The following MUC4 variants were observed in gnomAD, a reference collection of about 807,000 sequenced individuals.
The protein encoded by MUC4 is mucin 4, cell surface associated.
In MUC4, 202 loss-of-function variants were observed where a neutral mutation model predicts 257.9. The observed-to-expected ratio is 0.78, with a 90% CI of 0.70 to 0.88. MUC4 has a LOEUF of 0.88. Among genes scored for constraint, MUC4 ranks in the 40% least tolerant of loss-of-function variants. The probability of loss-of-function intolerance (pLI) is 0.00; values close to 1 mark genes in which losing one functional copy is unlikely to be tolerated. For synonymous variants in MUC4, 2,351 were observed against 2,757.1 expected, an observed-to-expected ratio of 0.85 and a Z score of 4.62; for missense variants, 5,976 against 6,513.7, an observed-to-expected ratio of 0.92 and a Z score of 2.84.
intron 1 of MUC4, among the ~76,000 whole-genome samples, chr3:195,798,557 A>T (rs1398845049): frequency 1.3e-5 from 2 of 151,938 alleles, no homozygotes; most frequent in Non-Finnish European, 2.9e-5. Context: ...CAAAAAAATT[A>T]GCCGGGCGTG....
rs1717230480 is a variant in MUC4 at position 195,754,818 on chromosome 3, GTGTGTAT to G, written c.15169-453_15169-447del. Among the ~76,000 whole-genome samples, 5 of 18,094 alleles carry G rather than the reference GTGTGTAT, an allele frequency of 2.8e-4. No homozygotes were observed. In the South Asian group the frequency reaches 7.9e-3, roughly 28 times the overall value. 11.9% of individuals were successfully genotyped at this position (18,094 alleles called of 152,430 possible). A position where few individuals can be genotyped will look rare whatever the true frequency, so the allele number is the denominator to read the frequency against. On this transcript the variant is annotated intron_variant, in intron 18 of 24. Coordinates refer to ENST00000463781, the MANE Select transcript of MUC4 (RefSeq NM_018406.7). Reference sequence around the variant, plus strand: ...TGCATGTATGCATGTATGTATCCATGTGTGTATCCATGTGTGTATGTATCATGTATGT... The same window carrying G: ...TGCATGTATGCATGTATGTATCCATGCCATGTGTGTATGTATCATGTATGT...
At position 195,770,229 on chromosome 3, in the gene MUC4, T is replaced by G; in HGVS notation, c.13385A>C (p.Gln4462Pro). ...GGGTCTACTCACCCCGAGGGTCCAC[T>G]GGGCAGGATAGGCGTGGGCATTGAC... ...TWVNAHAYPA[Q>P]WTLGSNTYQA... The change falls in exon 6 of 25, where the codon CAG (glutamine) becomes CCG (proline). Residue 4462 changes from glutamine (Q) to proline (P), a missense_variant. By Grantham distance (76) the Gln-to-Pro change is moderately conservative. Around this residue, in one of 44 missense-constraint regions of MUC4, gnomAD observed 996 missense variants for 1,137.3 expected, o/e 0.88. Coordinates refer to ENST00000463781, the MANE Select transcript of MUC4 (RefSeq NM_018406.7). The G allele has an allele frequency of 6.2e-7, 1 of 1,609,220 alleles. No homozygotes were observed. Among genetic ancestry groups the G allele is most frequent in the East Asian group, 2.2e-5 (1 of 44,758 alleles).
chr3:195,790,965 G>T lies in MUC4; in HGVS notation c.615C>A (p.Thr205=), dbSNP rs1733784104. 1.2e-6 allele frequency: 2 copies of T among 1,613,976 alleles called. No homozygotes were observed. Among genetic ancestry groups the T allele is most frequent in the African/African-American group, 2.7e-5 (2 of 75,038 alleles). Residue 205 remains threonine (T), a synonymous_variant, in exon 2 of 25, where the codon ACC becomes ACA. Transcript: ENST00000463781. ...SQNHWTRSTQ[T]TRESQTSTLT... The stretch of plus-strand genomic sequence containing the variant: ...GGGTGCTGGTTTGAGATTCCCTGGT[G>T]GTCTGCGTGCTCCGAGTCCAGTGGT...
chr3:195,778,399 G>A lies in MUC4; in HGVS notation c.12847C>T (p.Pro4283Ser). 2 of 1,613,252 alleles carry A rather than the reference G, an allele frequency of 1.2e-6. No homozygotes were observed. The highest frequency in any genetic ancestry group is 2.2e-5 in the East Asian group (1 of 44,884). The part of the protein sequence containing the change: ...DGGRRTATSP[P>S]PTTSQTIIST... ...ATGATGGTCTGGGAGGTTGTGGGGG[G>A]TGGTGATGTGGCTGTGCGTCTCCCA... Residue 4283 changes from proline to serine, a missense_variant, in exon 3 of 25, where the codon CCC becomes TCC. Coordinates refer to ENST00000463781, the MANE Select transcript of MUC4 (RefSeq NM_018406.7).
At chr3:195,752,128 T>C in intron 21 of MUC4, 1 of 517,886 alleles carries the variant, frequency 1.9e-6, no homozygotes, top group South Asian at 3.4e-5. Context: ...ATAACCAAGA[T>C]GCTTAGAGGT....
At chr3:195,796,703 G>C (rs569374734) in intron 1 of MUC4, among the ~76,000 whole-genome samples, 1 of 151,980 alleles carries the variant, frequency 6.6e-6, no homozygotes, top group South Asian at 2.1e-4. Flanking sequence ...AAAAAAATAT[G>C]TATATATAAT....
intron 19 of MUC4, chr3:195,753,542 A>T (rs926876979): frequency 2.1e-6 from 1 of 466,548 alleles, no homozygotes; most frequent in African/African-American, 2.1e-5. Context: ...CTCCCCTCTC[A>T]CGTCCATCTC....
intron 6 of MUC4, 152 bp from the exon 7 acceptor site, chr3:195,769,304 G>T: frequency 8.2e-7 from 1 of 1,213,322 alleles, no homozygotes; most frequent in Non-Finnish European, 1.1e-6. Context: ...CAAAATGCTG[G>T]CAAGTTTTGG....
rs757156550 is a variant in MUC4 at position 195,779,440 on chromosome 3, G to A, written c.12140C>T (p.Thr4047Ile). The A allele has an allele frequency of 1.7e-5, 15 of 886,510 alleles. 2 individuals carry two copies. Among genetic ancestry groups the A allele is most frequent in the African/African-American group, 2.2e-5 (1 of 46,294 alleles). The allele number at this position is 886,510 out of a possible 1,614,324, so 54.9% of individuals were successfully genotyped here. ...STSSASTGDTTPLPVTNASSL... is the reference protein window; with the variant it reads ...STSSASTGDTIPLPVTNASSL... ...GGAAGCATTGGTGACAGGAAGAGGG[G>A]TGGTGTCACCTGTGGATGCTGAGGA... The change falls in exon 2 of 25, where the codon ACC becomes ATC. Residue 4047 changes from threonine (T) to isoleucine (I), a missense_variant. Physicochemically the swap from Thr to Ile is moderately conservative, Grantham distance 89. Coordinates refer to ENST00000463781, the MANE Select transcript of MUC4 (RefSeq NM_018406.7).
intron 23 of MUC4, chr3:195,750,581 G>A: frequency 2.1e-6 from 1 of 485,068 alleles, no homozygotes; most frequent in South Asian, 2.3e-5. Flanking sequence ...ATGCTTAAGT[G>A]CAATGGCATT....
Position 195,811,801 on chromosome 3 carries a change from C to A in MUC4, c.17G>T (p.Trp6Leu), listed in dbSNP as rs758750222. MKGAR[W>L]RRVPWVSLSC... The stretch of plus-strand genomic sequence containing the variant: ...CAGGGACACCCAGGGGACCCTCCTC[C>A]AGCGTGCCCCCTTCATGGCTGCGGC... Residue 6 changes from tryptophan to leucine, a missense_variant, in exon 1 of 25, where the codon TGG becomes TTG. Physicochemically the swap from Trp to Leu is moderately conservative, Grantham distance 61. Transcript: ENST00000463781. 3 of 1,613,804 alleles carry A rather than the reference C, an allele frequency of 1.9e-6. No individual in the cohort carries two copies. The highest frequency in any genetic ancestry group is 2.5e-6 in the Non-Finnish European group (3 of 1,179,966).
At position 195,783,850 on chromosome 3, in the gene MUC4, A is replaced by G. The variant is rs1729693203; in HGVS notation, c.7730T>C (p.Leu2577Pro). The change falls in exon 2 of 25, where the codon CTT (leucine) becomes CCT (proline). Residue 2577 changes from leucine (L) to proline (P), a missense_variant. Leu to Pro is a moderately conservative substitution (Grantham distance 98). Transcript: ENST00000463781. The stretch of plus-strand genomic sequence containing the variant: ...TGCTGAGGAAGTGCTGGTGACAGGA[A>G]GAGGGGTGGCGTGACCTGTGGATGC... ...SAASTGHATP[L>P]PVTSTSSAST... 1.3e-6 allele frequency: 2 copies of G among 1,508,588 alleles called. No individual in the cohort carries two copies. The highest frequency in any genetic ancestry group is 1.8e-6 in the Non-Finnish European group (2 of 1,121,288). 93.5% of individuals were successfully genotyped at this position (1,508,588 alleles called of 1,614,324 possible).
rs748558178 is a variant in MUC4 at position 195,788,936 on chromosome 3, C to T, written c.2644G>A (p.Ala882Thr). The T allele has an allele frequency of 3.1e-6, 5 of 1,613,480 alleles. No homozygotes were observed. The highest frequency in any genetic ancestry group is 2.2e-5 in the East Asian group (1 of 44,868). The change falls in exon 2 of 25, where the codon GCA becomes ACA. Residue 882 changes from alanine to threonine, a missense_variant. Ala to Thr is a moderately conservative substitution (Grantham distance 58). Coordinates refer to ENST00000463781, the MANE Select transcript of MUC4 (RefSeq NM_018406.7). ...CTTGACTGTCCTGTCGGTCTCCCTGCAGTGGAGGCCTCAGAGAGGGTGGGA... is the reference window on the plus strand; with the variant it reads ...CTTGACTGTCCTGTCGGTCTCCCTGTAGTGGAGGCCTCAGAGAGGGTGGGA... ...FHPTLSEAST[A>T]GRPTGQSSPT...
intron 1 of MUC4, among the ~76,000 whole-genome samples, chr3:195,805,532 C>A (rs1306229782): frequency 6.6e-6 from 1 of 152,214 alleles, no homozygotes; most frequent in African/African-American, 2.4e-5. Flanking sequence ...GGCTGCCTCT[C>A]CACAGTGGTT....
intron 14 of MUC4, 130 bp downstream of exon 14, chr3:195,761,957 T>G (rs1183064978): frequency 8.8e-7 from 1 of 1,142,724 alleles, no homozygotes; most frequent in African/African-American, 1.6e-5. Flanking sequence ...GCCCGCTCTG[T>G]GCCCCAAGGG....
Position 195,790,850 on chromosome 3 carries a change from C to CT in MUC4, c.729_730insA (p.Glu244ArgfsTer9). On this transcript the variant is annotated frameshift_variant, in exon 2 of 25. Coordinates refer to ENST00000463781, the MANE Select transcript of MUC4 (RefSeq NM_018406.7). LOFTEE classifies it high-confidence loss of function. The stretch of plus-strand genomic sequence containing the variant: ...CTACAGAGGGATGAGGTAGCTGTTT[C>CT]ACCTGAAGGAGATGTCTTCTGAGAA... 6.2e-7 allele frequency: 1 copy of CT among 1,613,824 alleles called. No individual in the cohort carries two copies. The highest frequency in any genetic ancestry group is 1.7e-5 in the Admixed American group (1 of 60,006).
chr3:195,761,125 A>T lies in MUC4; in HGVS notation c.14615-8T>A. On this transcript the variant is annotated splice_polypyrimidine_tract_variant and splice_region_variant and intron_variant, in intron 15 of 24. Transcript: ENST00000463781. ...CTGTCCCGTTGATCTGCCCTGTAAC[A>T]CACAGAGCGCGGTGGTACCAGGCAT... 6.2e-7 allele frequency: 1 copy of T among 1,609,728 alleles called. No individual in the cohort carries two copies. Among genetic ancestry groups the T allele is most frequent in the Non-Finnish European group, 8.5e-7 (1 of 1,176,010 alleles).
In MUC4 at chr3:195,790,203, T is replaced by C; in HGVS notation, c.1377A>G (p.Ala459=). 3.7e-6 allele frequency: 6 copies of C among 1,614,044 alleles called. No homozygotes were observed. The highest frequency in any genetic ancestry group is 5.1e-6 in the Non-Finnish European group (6 of 1,179,884). The change falls in exon 2 of 25, where the codon GCA becomes GCG. Residue 459 remains alanine (A), a synonymous_variant. Transcript: ENST00000463781. ...TCTCATGAGGCCGTCCTGTGGTCTC[T>C]GCACCTTCACTCTGCTGGGTGTGGA... is the stretch of plus-strand genomic sequence containing the variant. ...TAFHTQQSEG[A]ETTGRPHERS...
At position 195,804,312 on chromosome 3, in the gene MUC4, C is replaced by A. The variant is rs112444249; in HGVS notation, c.82+7424G>T. Among the ~76,000 whole-genome samples, 5 of 152,338 alleles carry A rather than the reference C, an allele frequency of 3.3e-5. 1 individual carries two copies. The highest frequency in any genetic ancestry group is 1.2e-4 in the African/African-American group (5 of 41,588). ...CTGTTAGGGCTCCAGGATGTGAAGG[C>A]CGAGTGGCAGTAGGCATCGTTTTCC... On this transcript the variant is annotated intron_variant, in intron 1 of 24. Transcript: ENST00000463781.
Sources: allele counts gnomAD v4.1 joint callset (sites outside exome capture counted in the v4.1 genomes callset), GRCh38; gene constraint gnomAD v4.1.1; regional missense constraint gnomAD v4.1.1; transcripts MANE v1.5; gene names NCBI Gene and HGNC (gene_info 2026-07-23, HGNC 2026-07-21).